The following NOVA1 variants were observed in gnomAD, a reference collection of about 807,000 sequenced individuals.
NOVA1 encodes the protein NOVA alternative splicing regulator 1.
NOVA1 carries 7 observed loss-of-function variants against 38.0 expected under a neutral mutation model. The observed-to-expected ratio is 0.18, with a 90% CI of 0.10 to 0.35. The LOEUF is 0.35. NOVA1 is among the 10% of genes least tolerant of loss of function. The pLI, the probability that NOVA1 is intolerant of heterozygous loss-of-function variation, is 1.00. For synonymous variants in NOVA1, 270 were observed against 232.5 expected (o/e 1.16, Z -1.47); for missense variants, 460 against 616.0 (o/e 0.75, Z 2.68).
intron 2 of NOVA1, among the ~76,000 whole-genome samples, chr14:26,563,043 T>G (rs1181450461): frequency 6.6e-6 from 1 of 152,088 alleles, no homozygotes; most frequent in Non-Finnish European, 1.5e-5. Flanking sequence ...ATCCCTAGCT[T>G]TTTGCATGAT....
chr14:26,578,858 G>A (rs537906334), intron 2 of NOVA1, among the ~76,000 whole-genome samples: 7 of 152,062 alleles, frequency 4.6e-5, no homozygotes, highest in South Asian at 4.1e-4. Flanking sequence ...CAGATTCATC[G>A]TCTATACACT....
intron 2 of NOVA1, among the ~76,000 whole-genome samples, chr14:26,546,702 C>T (rs368855319): frequency 6.6e-6 from 1 of 152,238 alleles, no homozygotes. Context: ...AAGTATTTAT[C>T]ATTCATACAT....
At chr14:26,458,710 G>A (rs920775489) in intron 4 of NOVA1, among the ~76,000 whole-genome samples, 17 of 151,872 alleles carry the variant, frequency 1.1e-4, no homozygotes, top group African/African-American at 4.1e-4. Context: ...ACTACCTATC[G>A]GGCACTATGC....
At chr14:26,597,242 G>T (rs913795878) in intron 1 of NOVA1, 59 bp downstream of exon 1, 2 of 1,192,864 alleles carry the variant, frequency 1.7e-6, no homozygotes, top group Non-Finnish European at 2.1e-6. Context: ...CGGCGAGGGA[G>T]GGAGGCAGGG....
intron 2 of NOVA1, among the ~76,000 whole-genome samples, chr14:26,540,534 T>C (rs994368056): frequency 3.3e-5 from 5 of 152,238 alleles, no homozygotes; most frequent in Non-Finnish European, 7.3e-5. Flanking sequence ...ACAACTCAGT[T>C]CATCTAAATT....
intron 3 of NOVA1, among the ~76,000 whole-genome samples, chr14:26,476,819 C>T (rs573917701): frequency 6.8e-6 from 1 of 147,908 alleles, no homozygotes; most frequent in African/African-American, 2.6e-5. Flanking sequence ...AGGGTTCAAG[C>T]GATTCTCCTG....
At position 26,570,017 on chromosome 14, in the gene NOVA1, G is replaced by A. The variant is rs566350503; in HGVS notation, c.280+25393C>T. Among the ~76,000 whole-genome samples the A allele has an allele frequency of 3.1e-4, 47 of 152,264 alleles. 1 individual carries two copies. The South Asian group carries it at 9.5e-3, about 31-fold the overall frequency. ...GTCTCTAAAAGTAAATGCTAAGAAAGTTAATAGAAGGAAACCATCTGCTTA... is the reference window on the plus strand; with the variant it reads ...GTCTCTAAAAGTAAATGCTAAGAAAATTAATAGAAGGAAACCATCTGCTTA... On this transcript the variant is annotated intron_variant, in intron 2 of 4. Coordinates refer to ENST00000539517, the MANE Select transcript of NOVA1 (RefSeq NM_002515.3).
intron 2 of NOVA1, among the ~76,000 whole-genome samples, chr14:26,506,976 A>G (rs1431364578): frequency 6.6e-6 from 1 of 152,226 alleles, no homozygotes; most frequent in Non-Finnish European, 1.5e-5. Flanking sequence ...TAATCATTCA[A>G]TAGTTATTTG....
At chr14:26,495,396 G>A (rs1035620172) in intron 2 of NOVA1, among the ~76,000 whole-genome samples, 1 of 152,158 alleles carries the variant, frequency 6.6e-6, no homozygotes, top group African/African-American at 2.4e-5. Context: ...GTTCACATGT[G>A]TATCCCCAGC....
chr14:26,457,523 C>A (rs919744487), intron 4 of NOVA1, among the ~76,000 whole-genome samples: 10 of 152,032 alleles, frequency 6.6e-5, no homozygotes, highest in Middle Eastern at 3.2e-3. Context: ...CAAGGCATTT[C>A]TCATATGTTT....
chr14:26,584,976 C>T (rs567026944), intron 2 of NOVA1, among the ~76,000 whole-genome samples: 17 of 151,280 alleles, frequency 1.1e-4, no homozygotes, highest in African/African-American at 4.1e-4. Flanking sequence ...AAGAAGGGCA[C>T]GGGGAAACAG....
chr14:26,558,859 C>T (rs75103558), intron 2 of NOVA1, among the ~76,000 whole-genome samples: 1,624 of 152,164 alleles, frequency 0.011, 14 homozygotes, highest in Non-Finnish European at 0.014. Flanking sequence ...CTAAAATACT[C>T]TAGCCTACAT....
intron 2 of NOVA1, among the ~76,000 whole-genome samples, chr14:26,549,014 G>C (rs148923462): frequency 1.3e-5 from 2 of 152,180 alleles, no homozygotes; most frequent in Non-Finnish European, 2.9e-5. Context: ...CCAGCTTCCA[G>C]CTACTTTGAT....
chr14:26,503,038 A>G (rs2138415336), intron 2 of NOVA1, among the ~76,000 whole-genome samples: 1 of 152,170 alleles, frequency 6.6e-6, no homozygotes, highest in Non-Finnish European at 1.5e-5. Flanking sequence ...CAATGTGTTA[A>G]GAGGATTCTT....
chr14:26,478,106 A>G lies in NOVA1; in HGVS notation c.447+1871T>C, dbSNP rs185246075. ...TCAATAAATCACTATTATTTTTTAT[A>G]CTTATCTTGAAGTTAAATAACATCC... On this transcript the variant is annotated intron_variant, in intron 3 of 4. Coordinates refer to ENST00000539517, the MANE Select transcript of NOVA1 (RefSeq NM_002515.3). 3.4e-3 allele frequency among the ~76,000 whole-genome samples: 511 copies of G among 152,052 alleles called. 3 individuals are homozygous for G. Among genetic ancestry groups the G allele is most frequent in the Non-Finnish European group, 5.6e-3 (380 of 67,806 alleles).
intron 2 of NOVA1, among the ~76,000 whole-genome samples, chr14:26,552,861 C>A (rs910686906): frequency 2.0e-5 from 3 of 152,140 alleles, no homozygotes; most frequent in African/African-American, 4.8e-5. Context: ...TGACTCTACT[C>A]TCTGGGGTTT....
At chr14:26,482,322 C>G (rs890255849) in intron 2 of NOVA1, among the ~76,000 whole-genome samples, 34 of 152,118 alleles carry the variant, frequency 2.2e-4, no homozygotes, top group Non-Finnish European at 4.4e-4. Context: ...AAAGGAGATT[C>G]TATATCTACC....
intron 2 of NOVA1, among the ~76,000 whole-genome samples, chr14:26,574,813 T>C (rs1892732047): frequency 6.6e-6 from 1 of 151,994 alleles, no homozygotes; most frequent in African/African-American, 2.4e-5. Context: ...CACACCACTA[T>C]GCCCACTAAT....
chr14:26,571,745 T>C (rs775787546), intron 2 of NOVA1, among the ~76,000 whole-genome samples: 3 of 152,176 alleles, frequency 2.0e-5, no homozygotes, highest in Admixed American at 6.5e-5. Context: ...AACTGTCACA[T>C]AGAAGAAGGC....
Sources: allele counts gnomAD v4.1 joint callset (sites outside exome capture counted in the v4.1 genomes callset), GRCh38; gene constraint gnomAD v4.1.1; transcripts MANE v1.5; gene names NCBI Gene and HGNC (gene_info 2026-07-23, HGNC 2026-07-21).